The following PAPPA variants were observed in gnomAD, a reference collection of about 807,000 sequenced individuals.
PAPPA encodes pappalysin-1.
Under a neutral mutation model 164.0 loss-of-function variants are expected in PAPPA, and 60 were observed. That is an observed-to-expected ratio of 0.37 (90% CI 0.30 to 0.45). The LOEUF (loss-of-function observed/expected upper bound fraction) is 0.45. PAPPA is among the 20% of genes least tolerant of loss of function. The pLI, the probability that PAPPA is intolerant of heterozygous loss-of-function variation, is 1.00. For missense variants in PAPPA, 1,782 were observed against 2,087.3 expected (o/e 0.85, Z 2.85); for synonymous variants, 875 against 814.1 (o/e 1.07, Z -1.27).
intron 7 of PAPPA, among the ~76,000 whole-genome samples, chr9:116,243,941 G>C (rs78244805): frequency 5.3e-5 from 8 of 152,204 alleles, no homozygotes; most frequent in Non-Finnish European, 1.2e-4. Flanking sequence ...CATCAGTATA[G>C]AGAGTTGTTT....
At chr9:116,282,359 G>A (rs771810069) in intron 9 of PAPPA, among the ~76,000 whole-genome samples, 1 of 152,146 alleles carries the variant, frequency 6.6e-6, no homozygotes, top group Non-Finnish European at 1.5e-5. Context: ...TGCATCTCTT[G>A]AATTCACAGA....
At chr9:116,285,511 C>T (rs1043898688) in intron 9 of PAPPA, among the ~76,000 whole-genome samples, 1 of 152,164 alleles carries the variant, frequency 6.6e-6, no homozygotes, top group Non-Finnish European at 1.5e-5. Flanking sequence ...ACAGTGTCCC[C>T]CTGCTGGAAT....
intron 17 of PAPPA, among the ~76,000 whole-genome samples, chr9:116,359,946 G>A (rs1280552851): frequency 6.6e-6 from 1 of 152,228 alleles, no homozygotes; most frequent in Non-Finnish European, 1.5e-5. Context: ...GCAACACAAA[G>A]TGCCAGATGA....
chr9:116,294,226 G>T (rs536622972), intron 9 of PAPPA, among the ~76,000 whole-genome samples: 1 of 152,264 alleles, frequency 6.6e-6, no homozygotes, highest in South Asian at 2.1e-4. Flanking sequence ...GAGGATGCTT[G>T]ATTCTCACAG....
intron 10 of PAPPA, among the ~76,000 whole-genome samples, chr9:116,324,992 G>C (rs1202368202): frequency 6.6e-6 from 1 of 152,158 alleles, no homozygotes; most frequent in African/African-American, 2.4e-5. Flanking sequence ...GGGTGGTATG[G>C]TTAGTTTTTC....
chr9:116,269,044 A>G (rs1344769482), intron 8 of PAPPA, among the ~76,000 whole-genome samples: 4 of 152,162 alleles, frequency 2.6e-5, no homozygotes, highest in Admixed American at 2.6e-4. Flanking sequence ...CAGGTTCTAC[A>G]TTTGATAGAT....
chr9:116,256,819 G>T (rs758604169), intron 7 of PAPPA, among the ~76,000 whole-genome samples: 17 of 151,808 alleles, frequency 1.1e-4, no homozygotes, highest in Non-Finnish European at 1.6e-4. Flanking sequence ...TAATCTAGAA[G>T]ATCTTGAACA....
chr9:116,379,923 G>C (rs1195202802), intron 20 of PAPPA, among the ~76,000 whole-genome samples: 1 of 152,134 alleles, frequency 6.6e-6, no homozygotes, highest in East Asian at 1.9e-4. Context: ...CTAAGTACCA[G>C]AGCTTTTCTC....
At chr9:116,161,279 T>C (rs1843661879) in intron 1 of PAPPA, among the ~76,000 whole-genome samples, 1 of 152,218 alleles carries the variant, frequency 6.6e-6, no homozygotes, top group Admixed American at 6.5e-5. Context: ...TCCTGCCACT[T>C]ACTGCTTTAT....
intron 10 of PAPPA, among the ~76,000 whole-genome samples, chr9:116,310,369 T>G (rs1326909656): frequency 6.6e-6 from 1 of 152,112 alleles, no homozygotes; most frequent in Non-Finnish European, 1.5e-5. Context: ...TTTCTCCTGG[T>G]GGTTTCTGAA....
Position 116,331,319 on chromosome 9 carries a change from C to G in PAPPA, c.3223C>G (p.Pro1075Ala). 6.2e-7 allele frequency: 1 copy of G among 1,613,856 alleles called. No homozygotes were observed. The highest frequency in any genetic ancestry group is 8.5e-7 in the Non-Finnish European group (1 of 1,179,716). The change falls in exon 11 of 22, where the codon CCA becomes GCA. Residue 1075 changes from proline (P) to alanine (A), a missense_variant. Pro to Ala is a conservative substitution (Grantham distance 27). Coordinates refer to ENST00000328252, the MANE Select transcript of PAPPA (RefSeq NM_002581.5). ...CTGGTACCCTTGCACCATCAGCTAC[C>G]CATATTCCCAGCTGGCTCAGACCAC... ...HAWYPCTISY[P>A]YSQLAQTTFW...
chr9:116,273,293 C>T (rs1369946398), intron 9 of PAPPA, among the ~76,000 whole-genome samples: 1 of 152,160 alleles, frequency 6.6e-6, no homozygotes, highest in Non-Finnish European at 1.5e-5. Flanking sequence ...TGGAAGGGGT[C>T]TGCAAACTAT....
chr9:116,362,366 C>G (rs1042887261), intron 17 of PAPPA, among the ~76,000 whole-genome samples: 4 of 152,140 alleles, frequency 2.6e-5, no homozygotes, highest in Admixed American at 2.0e-4. Context: ...AAGCCTTGAA[C>G]AAGTTTCTTC....
chr9:116,296,442 C>A (rs909886678), intron 9 of PAPPA, among the ~76,000 whole-genome samples: 3 of 152,122 alleles, frequency 2.0e-5, no homozygotes, highest in African/African-American at 7.2e-5. Context: ...TTACTCTGAG[C>A]ACTGTTATGG....
intron 10 of PAPPA, among the ~76,000 whole-genome samples, chr9:116,308,195 C>T (rs1399155873): frequency 6.6e-6 from 1 of 152,150 alleles, no homozygotes; most frequent in Non-Finnish European, 1.5e-5. Flanking sequence ...TAAAGCTTAC[C>T]ATGTCATCAG....
At chr9:116,335,479 A>G (rs1365761802) in intron 13 of PAPPA, among the ~76,000 whole-genome samples, 1 of 152,014 alleles carries the variant, frequency 6.6e-6, no homozygotes, top group Non-Finnish European at 1.5e-5. Context: ...CTTCCTAACC[A>G]AGGGGGATAG....
chr9:116,218,696 G>A (rs750612216), intron 4 of PAPPA, among the ~76,000 whole-genome samples: 19 of 152,230 alleles, frequency 1.2e-4, no homozygotes, highest in Middle Eastern at 3.4e-3. Flanking sequence ...TCAACCACCT[G>A]CAGGATTTTA....
intron 10 of PAPPA, among the ~76,000 whole-genome samples, chr9:116,305,151 A>ACACACG (rs1303461642): frequency 6.6e-6 from 1 of 151,108 alleles, no homozygotes; most frequent in African/African-American, 2.4e-5. Flanking sequence ...ACACACACAC[A>ACACACG]CACACACACA....
At chr9:116,333,721 A>G (rs1283653181) in intron 12 of PAPPA, among the ~76,000 whole-genome samples, 1 of 152,226 alleles carries the variant, frequency 6.6e-6, no homozygotes, top group Non-Finnish European at 1.5e-5. Context: ...CTAAGTGAGA[A>G]ACAAATATTT....
Sources: allele counts gnomAD v4.1 joint callset (sites outside exome capture counted in the v4.1 genomes callset), GRCh38; gene constraint gnomAD v4.1.1; transcripts MANE v1.5; gene names NCBI Gene and HGNC (gene_info 2026-07-23, HGNC 2026-07-21).